The following FSIP2 variants were observed in gnomAD, a reference collection of about 807,000 sequenced individuals.
FSIP2 encodes the protein fibrous sheath-interacting protein 2.
In FSIP2, 367 loss-of-function variants were observed where a neutral mutation model predicts 510.5. That is an observed-to-expected ratio of 0.72 (90% CI 0.66 to 0.78). FSIP2 has a LOEUF of 0.78. Among genes scored for constraint, FSIP2 ranks in the 30% least tolerant of loss-of-function variants. The pLI is 0.00. For synonymous variants in FSIP2, 2,601 were observed against 2,732.2 expected, an observed-to-expected ratio of 0.95 and a Z score of 1.50; for missense variants, 7,594 against 7,901.7, an observed-to-expected ratio of 0.96 and a Z score of 1.48.
Position 185,833,201 on chromosome 2 carries a change from C to T in FSIP2, c.20699C>T (p.Ser6900Leu), listed in dbSNP as rs1299156591. Residue 6900 changes from serine to leucine, a missense_variant, in exon 23 of 23, where the codon TCA becomes TTA. Physicochemically the swap from Ser to Leu is moderately radical, Grantham distance 145. Transcript: ENST00000424728. The stretch of plus-strand genomic sequence containing the variant: ...AACACCAATATTTCCAGATCTTCCT[C>T]ACCAGCTCACCAGGATGAACACTGA... Reference protein sequence around the residue: ...QCNTNISRSSSPAHQDEH With the variant: ...QCNTNISRSSLPAHQDEH The T allele has an allele frequency of 1.2e-6, 2 of 1,610,360 alleles. No homozygotes were observed. Among genetic ancestry groups the T allele is most frequent in the East Asian group, 2.2e-5 (1 of 44,762 alleles).
intron 7 of FSIP2, among the ~76,000 whole-genome samples, chr2:185,751,759 A>G (rs1488069234): frequency 9.2e-6 from 1 of 108,468 alleles, no homozygotes; most frequent in African/African-American, 3.5e-5. Context: ...TAAGGATTAC[A>G]GTATATGTCT....
rs368137284 is a variant in FSIP2, at chr2:185,815,488, C to G, written c.20426+17C>G. On this transcript the variant is annotated intron_variant, in intron 19 of 22. Transcript: ENST00000424728. ...ATCTACTGGGTATATGAAATTAAAG[C>G]AGTAGAAATATAGAAATCTGATAAA... 8.7e-7 allele frequency: 1 copy of G among 1,143,886 alleles called. No individual in the cohort carries two copies. The allele number at this position is 1,143,886 out of a possible 1,614,324, so 70.9% of individuals were successfully genotyped here.
rs374154121 is a variant in FSIP2, at chr2:185,833,211, C to T, written c.20709C>T (p.His6903=). 2 of 1,609,256 alleles carry T rather than the reference C, an allele frequency of 1.2e-6. No homozygotes were observed. Among genetic ancestry groups the T allele is most frequent in the Admixed American group, 1.7e-5 (1 of 59,322 alleles). Residue 6903 remains histidine, a synonymous_variant, in exon 23 of 23, where the codon CAC becomes CAT. Coordinates refer to ENST00000424728, the MANE Select transcript of FSIP2 (RefSeq NM_173651.4). ...TNISRSSSPA[H]QDEH is the part of the protein sequence containing the mutation. Reference sequence around the variant, plus strand: ...TTTCCAGATCTTCCTCACCAGCTCACCAGGATGAACACTGAAGCTTTTGTA... The same window carrying T: ...TTTCCAGATCTTCCTCACCAGCTCATCAGGATGAACACTGAAGCTTTTGTA...
chr2:185,768,878 C>T (rs531571394), intron 13 of FSIP2, among the ~76,000 whole-genome samples: 25 of 152,224 alleles, frequency 1.6e-4, no homozygotes, highest in African/African-American at 5.3e-4. Context: ...TGAGAACATG[C>T]GGATTTGGTT....
chr2:185,742,840 A>G (rs1330320981), intron 2 of FSIP2, among the ~76,000 whole-genome samples: 1 of 152,336 alleles, frequency 6.6e-6, no homozygotes. Flanking sequence ...ACTATATGCT[A>G]TTCCCTTTCT....
In FSIP2 at chr2:185,807,185, G is replaced by A. The variant is rs1862066; in HGVS notation, c.17879G>A (p.Arg5960His). Residue 5960 changes from arginine (R) to histidine (H), a missense_variant, in exon 17 of 23, where the codon CGT (arginine) becomes CAT (histidine). Physicochemically the swap from Arg to His is conservative, Grantham distance 29 (BLOSUM62 0). Transcript: ENST00000424728. ...TSAVINEIFQ[R>H]QVNLIFCDEV... Reference sequence around the variant, plus strand: ...GCAGTGATAAATGAAATTTTCCAACGTCAGGTTAACTTGATATTTTGTGAT... The same window carrying A: ...GCAGTGATAAATGAAATTTTCCAACATCAGGTTAACTTGATATTTTGTGAT... The A allele has an allele frequency of 0.54, 869,344 of 1,599,654 alleles. 237,954 individuals carry two copies. Among genetic ancestry groups the A allele is most frequent in the South Asian group, 0.64 (56,343 of 88,052 alleles).
In FSIP2 at chr2:185,803,231, T is replaced by C; in HGVS notation, c.13925T>C (p.Val4642Ala). The C allele has an allele frequency of 1.2e-5, 18 of 1,529,394 alleles. No individual in the cohort carries two copies. Among genetic ancestry groups the C allele is most frequent in the East Asian group, 4.9e-5 (2 of 40,810 alleles). 94.7% of individuals were successfully genotyped at this position (1,529,394 alleles called of 1,614,324 possible). Residue 4642 changes from valine to alanine, a missense_variant, in exon 17 of 23, where the codon GTA becomes GCA. Transcript: ENST00000424728. Reference protein sequence around the residue: ...RKIFHRVVGIVQTKSIRDSED... With the variant: ...RKIFHRVVGIAQTKSIRDSED... ...ATATTCCACAGGGTAGTAGGCATTG[T>C]ACAAACAAAATCCATAAGAGATTCA...
chr2:185,764,379 C>T, intron 12 of FSIP2, 123 bp from the exon 13 acceptor site: 1 of 528,438 alleles, frequency 1.9e-6, no homozygotes, highest in Non-Finnish European at 3.3e-6. Flanking sequence ...TATAAATTGA[C>T]ATTAAAGAGA....
In FSIP2 at chr2:185,790,199, A is replaced by AGAT. The variant is rs771809337; in HGVS notation, c.3066_3068dup (p.Asp1022dup). ...AAAATGTGCTTGATTCAACTTTCAA[A>AGAT]GATGAAAAAGTAAAATCACAAGAAC... On this transcript the variant is annotated inframe_insertion, in exon 16 of 23. Coordinates refer to ENST00000424728, the MANE Select transcript of FSIP2 (RefSeq NM_173651.4). 12 of 1,531,014 alleles carry AGAT rather than the reference A, an allele frequency of 7.8e-6. No homozygotes were observed. The South Asian group carries it at 1.4e-4, about 18-fold the overall frequency. 94.8% of individuals were successfully genotyped at this position (1,531,014 alleles called of 1,614,324 possible).
intron 13 of FSIP2, among the ~76,000 whole-genome samples, chr2:185,771,551 T>C (rs1692608490): frequency 6.6e-6 from 1 of 152,194 alleles, no homozygotes; most frequent in Admixed American, 6.5e-5. Context: ...GGCCAGGATG[T>C]GAGCAGCAGT....
rs1322695128 is a variant in FSIP2 at position 185,792,639 on chromosome 2, T to G, written c.5503T>G (p.Ser1835Ala). The G allele has an allele frequency of 2.6e-6, 4 of 1,534,008 alleles. No individual in the cohort carries two copies. Among genetic ancestry groups the G allele is most frequent in the Admixed American group, 3.9e-5 (2 of 50,858 alleles). ...FMDKMMDPLL[S>A]EADITIVTDN... ...GGATAAAATGATGGATCCTTTACTT[T>G]CGGAAGCAGATATAACCATAGTAAC... Residue 1835 changes from serine to alanine, a missense_variant, in exon 16 of 23, where the codon TCG (serine) becomes GCG (alanine). Physicochemically the swap from Ser to Ala is moderately conservative, Grantham distance 99 (BLOSUM62 1). Coordinates refer to ENST00000424728, the MANE Select transcript of FSIP2 (RefSeq NM_173651.4).
Position 185,802,482 on chromosome 2 carries a change from TAA to T in FSIP2, c.13178_13179del (p.Lys4393ArgfsTer3), listed in dbSNP as rs1173556727. On this transcript the variant is annotated frameshift_variant, in exon 17 of 23. Transcript: ENST00000424728. LOFTEE classifies it high-confidence loss of function. ...AGCATGGGCTAGACCTTGCTGTTGA[TAA>T]AGAGTCTGAAGACAGTGGCATTTTT... Reference protein sequence around the residue: ...KQHGLDLAVDKESEDSGIFVE... With the variant: ...KQHGLDLAVDXESEDSGIFVE... 4.6e-6 allele frequency: 7 copies of T among 1,533,470 alleles called. No homozygotes were observed. Among genetic ancestry groups the T allele is most frequent in the African/African-American group, 2.7e-5 (2 of 72,856 alleles). The allele number at this position is 1,533,470 out of a possible 1,614,324, so 95.0% of individuals were successfully genotyped here. A position where few individuals can be genotyped will look rare whatever the true frequency, so the allele number is the denominator to read the frequency against.
chr2:185,760,321 A>G (rs1427258684), intron 9 of FSIP2, among the ~76,000 whole-genome samples: 2 of 150,376 alleles, frequency 1.3e-5, no homozygotes, highest in Non-Finnish European at 3.0e-5. Context: ...ACGACATTGA[A>G]AAACTGGTTT....
intron 7 of FSIP2, among the ~76,000 whole-genome samples, chr2:185,749,131 C>T (rs1692092999): frequency 6.6e-6 from 1 of 151,814 alleles, no homozygotes; most frequent in African/African-American, 2.4e-5. Flanking sequence ...AATCCCAAGC[C>T]CTTTGTATTT....
Position 185,794,876 on chromosome 2 carries a change from A to G in FSIP2, c.7740A>G (p.Lys2580=), listed in dbSNP as rs1454247901. 6.5e-7 allele frequency: 1 copy of G among 1,533,780 alleles called. No individual in the cohort carries two copies. Among genetic ancestry groups the G allele is most frequent in the Non-Finnish European group, 8.7e-7 (1 of 1,145,366 alleles). ...ACCACAATGATTCCTTACTAATGAA[A>G]CCATTAAGGTTTAGAGAAACTAAAC... ...ISDHNDSLLM[K]PLRFRETKQA... Residue 2580 remains lysine (K), a synonymous_variant, in exon 16 of 23, where the codon AAA becomes AAG. Coordinates refer to ENST00000424728, the MANE Select transcript of FSIP2 (RefSeq NM_173651.4).
intron 7 of FSIP2, 59 bp from the exon 8 acceptor site, chr2:185,753,663 G>T (rs1410293777): frequency 1.3e-6 from 1 of 745,416 alleles, no homozygotes; most frequent in African/African-American, 1.8e-5. Context: ...TAAATGATTT[G>T]TTTTACATTT....
In FSIP2 at chr2:185,791,317, GC is replaced by G. The variant is rs1459689992; in HGVS notation, c.4182del (p.Ser1394ArgfsTer40). Reference sequence around the variant, plus strand: ...GCAACTGACAGTGTTGATGTACAAAGCATTTTGCCAAATAGGCAAGATAAAA... The same window carrying G: ...GCAACTGACAGTGTTGATGTACAAAGATTTTGCCAAATAGGCAAGATAAAA... ...KSATDSVDVQ[S>X]ILPNRQDKKS... is the part of the protein sequence containing the mutation. On this transcript the variant is annotated frameshift_variant, in exon 16 of 23. Transcript: ENST00000424728. LOFTEE classifies it high-confidence loss of function. 1 of 1,534,012 alleles carries G rather than the reference GC, an allele frequency of 6.5e-7. No individual in the cohort carries two copies.
At position 185,794,177 on chromosome 2, in the gene FSIP2, G is replaced by A; in HGVS notation, c.7041G>A (p.Arg2347=). 3 of 1,534,636 alleles carry A rather than the reference G, an allele frequency of 2.0e-6. No homozygotes were observed. Among genetic ancestry groups the A allele is most frequent in the Non-Finnish European group, 1.7e-6 (2 of 1,145,932 alleles). Residue 2347 remains arginine (R), a synonymous_variant, in exon 16 of 23, where the codon AGG becomes AGA. Coordinates refer to ENST00000424728, the MANE Select transcript of FSIP2 (RefSeq NM_173651.4). Reference sequence around the variant, plus strand: ...CCACAATTCACCTATCGCAAGCTAGGCTTAAGACATATGCTGACGTCATTG... The same window carrying A: ...CCACAATTCACCTATCGCAAGCTAGACTTAAGACATATGCTGACGTCATTG... ...LGSTIHLSQA[R]LKTYADVIAS... is the part of the protein sequence containing the mutation.
In FSIP2 at chr2:185,806,854, G is replaced by A. The variant is rs1693593552; in HGVS notation, c.17548G>A (p.Asp5850Asn). ...TGCTCAAATTAAGGTTTTCAGGCCA[G>A]ATAAGGGAAATCAGTTCCCTGGGGG... ...SDAQIKVFRP[D>N]KGNQFPGGKV... Residue 5850 changes from aspartate to asparagine, a missense_variant, in exon 17 of 23, where the codon GAT (aspartate) becomes AAT (asparagine). Coordinates refer to ENST00000424728, the MANE Select transcript of FSIP2 (RefSeq NM_173651.4). 6.2e-7 allele frequency: 1 copy of A among 1,609,030 alleles called. No individual in the cohort carries two copies. Among genetic ancestry groups the A allele is most frequent in the Non-Finnish European group, 8.5e-7 (1 of 1,178,060 alleles).
Sources: allele counts gnomAD v4.1 joint callset (sites outside exome capture counted in the v4.1 genomes callset), GRCh38; gene constraint gnomAD v4.1.1; transcripts MANE v1.5; gene names NCBI Gene and HGNC (gene_info 2026-07-23, HGNC 2026-07-21).